Variants in RCOR1 observed in about 807,000 individuals in gnomAD.
RCOR1 encodes the protein REST corepressor.
Under a neutral mutation model 64.0 loss-of-function variants are expected in RCOR1, and 12 were observed. The observed-to-expected ratio is 0.19, with a 90% CI of 0.12 to 0.30. RCOR1 has a LOEUF of 0.30. Ranked by LOEUF, RCOR1 falls within the 10% of genes least tolerant of loss-of-function variation. The pLI, the probability that RCOR1 is intolerant of heterozygous loss-of-function variation, is 1.00. For missense variants in RCOR1, 502 were observed against 621.2 expected, an observed-to-expected ratio of 0.81 and a Z score of 2.04; for synonymous variants, 279 against 227.2, an observed-to-expected ratio of 1.23 and a Z score of -2.05.
intron 2 of RCOR1, among the ~76,000 whole-genome samples, chr14:102,614,531 C>T (rs1419513730): frequency 1.3e-5 from 2 of 152,270 alleles, no homozygotes; most frequent in South Asian, 2.1e-4. Context: ...GCCCTTCTGG[C>T]TCTTTTTAAA....
In RCOR1 at chr14:102,728,516, T is replaced by C. The variant is rs1338017049; in HGVS notation, c.*2010T>C. Reference sequence around the variant, plus strand: ...CTCCGTGCTTCCCTCAAGACCTCCTTCTTGCTAACAGAAGCAGTAGGCAAT... The same window carrying C: ...CTCCGTGCTTCCCTCAAGACCTCCTCCTTGCTAACAGAAGCAGTAGGCAAT... On this transcript the variant is annotated 3_prime_UTR_variant, in exon 12 of 12. Coordinates refer to ENST00000262241, the MANE Select transcript of RCOR1 (RefSeq NM_015156.4). The C allele has an allele frequency of 1.3e-5, 2 of 152,190 alleles. No individual in the cohort carries two copies. Among genetic ancestry groups the C allele is most frequent in the Non-Finnish European group, 2.9e-5 (2 of 68,050 alleles). 9.4% of individuals were successfully genotyped at this position (152,190 alleles called of 1,614,324 possible).
Position 102,701,266 on chromosome 14 carries a change from C to T in RCOR1, c.446-12C>T, listed in dbSNP as rs1342737324. On this transcript the variant is annotated splice_polypyrimidine_tract_variant and intron_variant, in intron 3 of 11. Transcript: ENST00000262241. ...CTCAGTTTGTTTAATGGCATCTCTT[C>T]TTGTTTTTCAGTGGATGAATACATT... 3.7e-6 allele frequency: 6 copies of T among 1,610,678 alleles called. No individual in the cohort carries two copies. The highest frequency in any genetic ancestry group is 5.1e-6 in the Non-Finnish European group (6 of 1,177,222).
intron 2 of RCOR1, among the ~76,000 whole-genome samples, chr14:102,636,896 GGGAGGT>G (rs1894251666): frequency 6.6e-6 from 1 of 151,820 alleles, no homozygotes; most frequent in Non-Finnish European, 1.5e-5. Flanking sequence ...ACTTGAACCC[GGGAGGT>G]GGAGGTTGCA....
At chr14:102,653,769 C>G (rs1894643201) in intron 2 of RCOR1, among the ~76,000 whole-genome samples, 1 of 151,966 alleles carries the variant, frequency 6.6e-6, no homozygotes, top group African/African-American at 2.4e-5. Context: ...TGCTTGCTTT[C>G]CCTTTGCCTT....
chr14:102,706,114 C>CTAAAAAA (rs1412106597), intron 4 of RCOR1, among the ~76,000 whole-genome samples: 1 of 21,330 alleles, frequency 4.7e-5, no homozygotes, highest in African/African-American at 2.5e-4. Context: ...AACCCTGTCT[C>CTAAAAAA]AAAAAAAAAA....
At chr14:102,599,279 C>T (rs148423104) in intron 2 of RCOR1, among the ~76,000 whole-genome samples, 5 of 152,174 alleles carry the variant, frequency 3.3e-5, no homozygotes, top group African/African-American at 7.2e-5. Flanking sequence ...CAGATGTCCA[C>T]GACCATGCCT....
chr14:102,646,039 G>T (rs1162542693), intron 2 of RCOR1, among the ~76,000 whole-genome samples: 1 of 151,916 alleles, frequency 6.6e-6, no homozygotes, highest in Non-Finnish European at 1.5e-5. Context: ...CATCATTTCT[G>T]CTCTAGTCAA....
chr14:102,669,686 G>A (rs187577501), intron 2 of RCOR1, among the ~76,000 whole-genome samples: 264 of 152,246 alleles, frequency 1.7e-3, no homozygotes, highest in Non-Finnish European at 2.5e-3. Flanking sequence ...ATGGATAGTC[G>A]TAAGATTGAA....
At chr14:102,663,590 C>T (rs1894865703) in intron 2 of RCOR1, among the ~76,000 whole-genome samples, 1 of 152,138 alleles carries the variant, frequency 6.6e-6, no homozygotes, top group Admixed American at 6.5e-5. Context: ...ATTGTGGTGC[C>T]TCACCATCAG....
intron 8 of RCOR1, among the ~76,000 whole-genome samples, chr14:102,715,070 T>A (rs1304968318): frequency 6.6e-6 from 1 of 150,808 alleles, no homozygotes; most frequent in African/African-American, 2.5e-5. Context: ...GCCACTATTC[T>A]GATTTTTTTT....
intron 2 of RCOR1, among the ~76,000 whole-genome samples, chr14:102,607,222 C>T (rs1006579407): frequency 5.9e-5 from 9 of 152,074 alleles, no homozygotes; most frequent in South Asian, 2.1e-4. Context: ...CGTGAGCCAC[C>T]GCGCCCGGCT....
At chr14:102,611,493 T>G (rs867911933) in intron 2 of RCOR1, among the ~76,000 whole-genome samples, 1 of 152,204 alleles carries the variant, frequency 6.6e-6, no homozygotes, top group African/African-American at 2.4e-5. Flanking sequence ...CCACCTACTT[T>G]GCTTATCTGT....
At chr14:102,676,890 T>C (rs1595225205) in intron 2 of RCOR1, among the ~76,000 whole-genome samples, 2 of 99,126 alleles carry the variant, frequency 2.0e-5, no homozygotes, top group Non-Finnish European at 4.0e-5. Flanking sequence ...ACGGGGCGGC[T>C]GGCCGGGCGG....
Position 102,642,721 on chromosome 14 carries a change from A to G in RCOR1, c.362-39174A>G, listed in dbSNP as rs867692274. 1.6e-4 allele frequency among the ~76,000 whole-genome samples: 25 copies of G among 152,256 alleles called. No homozygotes were observed. The Middle Eastern group carries it at 0.01, about 62-fold the overall frequency. On this transcript the variant is annotated intron_variant, in intron 2 of 11. Transcript: ENST00000262241. Reference sequence around the variant, plus strand: ...TATGGTGGCACATGCCTATGGTCCCAGGTACTCGGGATGCTGAGATGGAAG... The same window carrying G: ...TATGGTGGCACATGCCTATGGTCCCGGGTACTCGGGATGCTGAGATGGAAG...
intron 2 of RCOR1, among the ~76,000 whole-genome samples, chr14:102,653,641 A>G (rs1399836084): frequency 6.6e-6 from 1 of 151,952 alleles, no homozygotes; most frequent in Non-Finnish European, 1.5e-5. Context: ...ATGGGGGTGG[A>G]TATCCCCCTT....
chr14:102,621,902 A>C (rs1036591328), intron 2 of RCOR1, among the ~76,000 whole-genome samples: 42 of 152,158 alleles, frequency 2.8e-4, no homozygotes, highest in African/African-American at 9.9e-4. Flanking sequence ...GATGGTCTTC[A>C]GATTGTACCA....
At chr14:102,615,312 A>T (rs1216424044) in intron 2 of RCOR1, among the ~76,000 whole-genome samples, 1 of 125,868 alleles carries the variant, frequency 7.9e-6, no homozygotes. Context: ...TTTTTTTTTT[A>T]ATATTTTTTA....
At chr14:102,622,798 T>C (rs1271753597) in intron 2 of RCOR1, among the ~76,000 whole-genome samples, 2 of 152,196 alleles carry the variant, frequency 1.3e-5, no homozygotes, top group African/African-American at 4.8e-5. Flanking sequence ...GCCATTTCTT[T>C]ACTTTTCTTC....
chr14:102,611,336 A>G (rs937876701), intron 2 of RCOR1, among the ~76,000 whole-genome samples: 2 of 152,118 alleles, frequency 1.3e-5, no homozygotes, highest in Non-Finnish European at 2.9e-5. Flanking sequence ...CCCAAAGTGT[A>G]GGGATTACAG....
Sources: allele counts gnomAD v4.1 joint callset (sites outside exome capture counted in the v4.1 genomes callset), GRCh38; gene constraint gnomAD v4.1.1; transcripts MANE v1.5; gene names NCBI Gene and HGNC (gene_info 2026-07-23, HGNC 2026-07-21).